The following SYNPO2 variants were observed in gnomAD, a reference collection of about 807,000 sequenced individuals.
The protein encoded by SYNPO2 is synaptopodin-2.
In SYNPO2, 56 loss-of-function variants were observed where a neutral mutation model predicts 85.0. The observed-to-expected ratio is 0.66, with a 90% CI of 0.53 to 0.82. SYNPO2 has a LOEUF of 0.82. Among genes scored for constraint, SYNPO2 ranks in the 40% least tolerant of loss-of-function variants. The pLI is 0.00. For missense variants in SYNPO2, 1,575 were observed against 1,534.2 expected, an observed-to-expected ratio of 1.03 and a Z score of -0.44; for synonymous variants, 602 against 591.1, an observed-to-expected ratio of 1.02 and a Z score of -0.27.
intron 4 of SYNPO2, chr4:119,036,057 A>T (rs1303496910): frequency 1.0e-6 from 1 of 985,278 alleles, no homozygotes; most frequent in Non-Finnish European, 1.2e-6. Context: ...TTGGCTGCGT[A>T]TCATTTCATC....
rs939759741 is a variant in SYNPO2 at position 118,922,990 on chromosome 4, C to A, written c.105+33849C>A. ...TCTGTACTTATAGGACAAAGTAAATCTTTAAAATAAGATAATGAATTCCAT... is the reference window on the plus strand; with the variant it reads ...TCTGTACTTATAGGACAAAGTAAATATTTAAAATAAGATAATGAATTCCAT... On this transcript the variant is annotated intron_variant, in intron 1 of 4. Transcript: ENST00000307142. Among the ~76,000 whole-genome samples, 3 of 151,994 alleles carry A rather than the reference C, an allele frequency of 2.0e-5. No homozygotes were observed. The East Asian group carries it at 5.8e-4, about 29-fold the overall frequency.
intron 1 of SYNPO2, among the ~76,000 whole-genome samples, chr4:118,950,777 G>T (rs1228189459): frequency 6.6e-6 from 1 of 152,186 alleles, no homozygotes; most frequent in Non-Finnish European, 1.5e-5. Flanking sequence ...CAGAGCATAA[G>T]AATACAGAAA....
At position 118,905,465 on chromosome 4, in the gene SYNPO2, TGAGA is replaced by T. The variant is rs993949011; in HGVS notation, c.105+16337_105+16340del. On this transcript the variant is annotated intron_variant, in intron 1 of 4. Transcript: ENST00000307142. ...GTGCGTGTGTGTGTGTGTGTGTCTG[TGAGA>T]GAGAGAGAGAGAACACAGGAAGTCC... Among the ~76,000 whole-genome samples the T allele has an allele frequency of 1.4e-3, 208 of 150,894 alleles. 1 individual carries two copies. Among genetic ancestry groups the T allele is most frequent in the Admixed American group, 3.7e-3 (56 of 15,150 alleles).
chr4:118,872,240 G>A (rs1731816552), intron 1 of SYNPO2, among the ~76,000 whole-genome samples: 1 of 152,142 alleles, frequency 6.6e-6, no homozygotes, highest in Non-Finnish European at 1.5e-5. Context: ...CATTGTACCT[G>A]TTATAGAAAC....
At chr4:119,053,189 C>G (rs1249795669) in intron 4 of SYNPO2, among the ~76,000 whole-genome samples, 2 of 152,152 alleles carry the variant, frequency 1.3e-5, no homozygotes, top group Non-Finnish European at 2.9e-5. Flanking sequence ...AGCCTTGAAA[C>G]TGTGATGGAC....
chr4:118,909,503 T>C (rs1733061369), intron 1 of SYNPO2, among the ~76,000 whole-genome samples: 1 of 152,194 alleles, frequency 6.6e-6, no homozygotes, highest in Non-Finnish European at 1.5e-5. Flanking sequence ...CTGTTTTCCA[T>C]TAAACTCAGG....
At chr4:118,993,658 T>C (rs529358379) in intron 1 of SYNPO2, among the ~76,000 whole-genome samples, 1 of 152,330 alleles carries the variant, frequency 6.6e-6, no homozygotes, top group African/African-American at 2.4e-5. Flanking sequence ...GTTTTCCCCC[T>C]ATATGACCTA....
At chr4:118,943,501 C>T (rs1254081705) in intron 1 of SYNPO2, among the ~76,000 whole-genome samples, 2 of 152,164 alleles carry the variant, frequency 1.3e-5, no homozygotes. Context: ...GAATTTATAA[C>T]TTCAAAGTTG....
At chr4:119,050,983 G>A (rs1739020064) in intron 4 of SYNPO2, among the ~76,000 whole-genome samples, 1 of 152,152 alleles carries the variant, frequency 6.6e-6, no homozygotes, top group South Asian at 2.1e-4. Flanking sequence ...AAACTGGAGG[G>A]AGAAGGATGT....
At chr4:118,948,753 A>G (rs1734589182) in intron 1 of SYNPO2, among the ~76,000 whole-genome samples, 1 of 152,190 alleles carries the variant, frequency 6.6e-6, no homozygotes, top group Non-Finnish European at 1.5e-5. Flanking sequence ...TGGGGAAGGC[A>G]CCAAGACATT....
chr4:118,851,702 G>T (rs1731422580), intron 1 of SYNPO2, among the ~76,000 whole-genome samples: 1 of 152,154 alleles, frequency 6.6e-6, no homozygotes, highest in South Asian at 2.1e-4. Flanking sequence ...ACAGAAAAAT[G>T]TAGTGAGAAT....
In SYNPO2 at chr4:119,057,794, C is replaced by G. The variant is rs776517111; in HGVS notation, c.3646C>G (p.Gln1216Glu). Residue 1216 changes from glutamine (Q) to glutamate (E), a missense_variant, in exon 5 of 5, where the codon CAG (glutamine) becomes GAG (glutamate). Gln to Glu is a conservative substitution (Grantham distance 29). Coordinates refer to ENST00000307142, the MANE Select transcript of SYNPO2 (RefSeq NM_133477.3). Reference protein sequence around the residue: ...NMSTTSQYGSQLPYAYYRQAS... With the variant: ...NMSTTSQYGSELPYAYYRQAS... ...GTCCACCACCTCCCAATATGGTTCA[C>G]AGTTGCCATATGCATATTATAGGCA... 1.2e-6 allele frequency: 2 copies of G among 1,614,094 alleles called. No individual in the cohort carries two copies. The highest frequency in any genetic ancestry group is 1.7e-6 in the Non-Finnish European group (2 of 1,180,020).
chr4:118,896,509 A>C (rs1732554632), intron 1 of SYNPO2, among the ~76,000 whole-genome samples: 1 of 152,230 alleles, frequency 6.6e-6, no homozygotes, highest in African/African-American at 2.4e-5. Flanking sequence ...TCATGAAGTT[A>C]AAAGACTCAT....
chr4:118,949,224 C>A (rs1203091504), intron 1 of SYNPO2, among the ~76,000 whole-genome samples: 1 of 152,082 alleles, frequency 6.6e-6, no homozygotes, highest in East Asian at 1.9e-4. Flanking sequence ...AGTTATACGG[C>A]AGATCCGAAG....
chr4:118,971,936 T>C (rs2149156582), intron 1 of SYNPO2, among the ~76,000 whole-genome samples: 1 of 152,302 alleles, frequency 6.6e-6, no homozygotes, highest in South Asian at 2.1e-4. Context: ...TTCTTCAACA[T>C]CACATAATTC....
At chr4:118,988,254 G>T (rs114612534) in intron 1 of SYNPO2, among the ~76,000 whole-genome samples, 4 of 151,324 alleles carry the variant, frequency 2.6e-5, no homozygotes, top group Admixed American at 2.0e-4. Flanking sequence ...ATTTTGGTTT[G>T]GTTTTTAGGT....
chr4:118,877,782 T>C (rs1467914805), intron 1 of SYNPO2, among the ~76,000 whole-genome samples: 2 of 152,138 alleles, frequency 1.3e-5, no homozygotes, highest in Non-Finnish European at 2.9e-5. Flanking sequence ...CCAGACAATA[T>C]GAAAAGCAGG....
At chr4:119,022,058 C>G (rs1428879224) in intron 1 of SYNPO2, among the ~76,000 whole-genome samples, 1 of 152,118 alleles carries the variant, frequency 6.6e-6, no homozygotes, top group Non-Finnish European at 1.5e-5. Context: ...TTGCTTAGTA[C>G]CATGCCTGGA....
intron 1 of SYNPO2, among the ~76,000 whole-genome samples, chr4:118,857,304 G>C (rs1403635963): frequency 1.3e-5 from 2 of 152,136 alleles, no homozygotes; most frequent in African/African-American, 2.4e-5. Flanking sequence ...GAAATTATTA[G>C]TAGTAGGGCA....
Sources: gnomAD v4.1 joint callset for allele counts (sites outside exome capture counted in the v4.1 genomes callset) on GRCh38, gnomAD v4.1.1 for gene constraint, MANE v1.5 for transcripts, NCBI Gene and HGNC (gene_info 2026-07-23, HGNC 2026-07-21) for gene names.